RUVBL1: variants seen among roughly 807,000 people sequenced by gnomAD.
RUVBL1 encodes the protein ruvB-like 1.
Under a neutral mutation model 52.4 loss-of-function variants are expected in RUVBL1, and 4 were observed. That is an observed-to-expected ratio of 0.08 (90% CI 0.04 to 0.17). RUVBL1 has a LOEUF of 0.17. Ranked by LOEUF, RUVBL1 falls within the 10% of genes least tolerant of loss-of-function variation. The pLI is 1.00. For missense variants in RUVBL1, 298 were observed against 572.8 expected, an observed-to-expected ratio of 0.52 and a Z score of 4.90; for synonymous variants, 217 against 214.4, an observed-to-expected ratio of 1.01 and a Z score of -0.10.
intron 6 of RUVBL1, among the ~76,000 whole-genome samples, chr3:128,099,591 T>A (rs544861179): frequency 1.4e-4 from 22 of 152,334 alleles, no homozygotes; most frequent in African/African-American, 5.3e-4. Flanking sequence ...CTCACCTGCA[T>A]CCTCCTGCGG....
intron 9 of RUVBL1, among the ~76,000 whole-genome samples, chr3:128,065,817 C>T (rs1164261782): frequency 7.0e-6 from 1 of 142,672 alleles, no homozygotes; most frequent in Non-Finnish European, 1.5e-5. Flanking sequence ...ACTCGACTCA[C>T]TGCAACCTCC....
At chr3:128,132,966 C>T (rs1311466229) in intron 1 of RUVBL1, among the ~76,000 whole-genome samples, 2 of 152,208 alleles carry the variant, frequency 1.3e-5, no homozygotes, top group Non-Finnish European at 2.9e-5. Flanking sequence ...GCCTTAGCTC[C>T]TGGGTGACAT....
chr3:128,067,080 T>C lies in RUVBL1; in HGVS notation c.940-1860A>G. 1 of 1,614,200 alleles carries C rather than the reference T, an allele frequency of 6.2e-7. No homozygotes were observed. The highest frequency in any genetic ancestry group is 1.1e-5 in the South Asian group (1 of 91,086). The stretch of plus-strand genomic sequence containing the variant: ...GCAGTCTGCCCTGGTGTCCAACCTT[T>C]ATGTCATCTCCCAAATGCTCTCAGC... On this transcript the variant is annotated intron_variant, in intron 9 of 9. Transcript: ENST00000464873. The surrounding 1 kb of genome is among the most constrained non-coding windows in gnomAD (Gnocchi z 4.1).
At position 128,082,838 on chromosome 3, in the gene RUVBL1, G is replaced by C. The variant is rs1054711340; in HGVS notation, c.1120-264C>G. The C allele has an allele frequency of 1.5e-5, 5 of 333,154 alleles. No individual in the cohort carries two copies. Among genetic ancestry groups the C allele is most frequent in the African/African-American group, 1.1e-4 (5 of 45,644 alleles). The allele number at this position is 333,154 out of a possible 1,614,324, so 20.6% of individuals were successfully genotyped here. A position where few individuals can be genotyped will look rare whatever the true frequency, so the allele number is the denominator to read the frequency against. ...TGACTCAAGTGTGGCTGGTGCCCAA[G>C]GAGGTATGCAGCTTCCCAAGTGGCT... On this transcript the variant is annotated intron_variant, in intron 9 of 10. Transcript: ENST00000322623. The surrounding 1 kb of genome is among the most constrained non-coding windows in gnomAD (Gnocchi z 4.7).
At chr3:128,127,332 T>A (rs1943807891), upstream of RUVBL1, among the ~76,000 whole-genome samples, 1 of 152,218 alleles carries the variant, frequency 6.6e-6, no homozygotes, top group Non-Finnish European at 1.5e-5. Context: ...TTGTGTGGAC[T>A]ACTACATTCC....
downstream of RUVBL1, among the ~76,000 whole-genome samples, chr3:128,076,853 C>T (rs1942344326): frequency 6.6e-6 from 1 of 152,148 alleles, no homozygotes; most frequent in Non-Finnish European, 1.5e-5. The surrounding 1 kb of genome is among the most constrained non-coding windows in gnomAD (Gnocchi z 6.8). Flanking sequence ...CACCCCGCAC[C>T]CCACCATGTC....
At chr3:128,092,526 T>TA (rs1260042921) in intron 8 of RUVBL1, among the ~76,000 whole-genome samples, 1 of 150,938 alleles carries the variant, frequency 6.6e-6, no homozygotes, top group Non-Finnish European at 1.5e-5. Context: ...AGAACCTGAA[T>TA]AAAAAATGGG....
At chr3:128,077,037 C>G (rs1332815370), downstream of RUVBL1, among the ~76,000 whole-genome samples, 1 of 151,514 alleles carries the variant, frequency 6.6e-6, no homozygotes, top group African/African-American at 2.4e-5. Context: ...ATCGCGGCGG[C>G]CCAGCCGCCG....
In RUVBL1 at chr3:128,081,158, C is replaced by T. The variant is rs1482876511; in HGVS notation, c.*92G>A. The stretch of plus-strand genomic sequence containing the variant: ...GCTGCAGACCACGCCTGAGTGGGGA[C>T]GGCAGCCCCAAGCCCAGGGGCAAGC... On this transcript the variant is annotated 3_prime_UTR_variant, in exon 11 of 11. Transcript: ENST00000322623. The surrounding 1 kb of genome is among the most constrained non-coding windows in gnomAD (Gnocchi z 4.8). 19 of 1,358,320 alleles carry T rather than the reference C, an allele frequency of 1.4e-5. No homozygotes were observed. Among genetic ancestry groups the T allele is most frequent in the East Asian group, 6.9e-5 (3 of 43,206 alleles). 84.1% of individuals were successfully genotyped at this position (1,358,320 alleles called of 1,614,324 possible).
chr3:128,088,351 A>C (rs1009635282), intron 8 of RUVBL1, among the ~76,000 whole-genome samples: 1 of 150,066 alleles, frequency 6.7e-6, no homozygotes, highest in African/African-American at 2.4e-5. Flanking sequence ...AATAACTAAA[A>C]TCATACTCAA....
intron 6 of RUVBL1, 132 bp downstream of exon 6, chr3:128,100,463 T>C: frequency 3.8e-6 from 4 of 1,042,034 alleles, no homozygotes; most frequent in Non-Finnish European, 5.4e-6. Flanking sequence ...CGATGTTAAT[T>C]GCTGAACATT....
chr3:128,126,355 G>A (rs113348170), upstream of RUVBL1, among the ~76,000 whole-genome samples: 920 of 152,204 alleles, frequency 6.0e-3, 3 homozygotes, highest in Non-Finnish European at 8.2e-3. Flanking sequence ...AAACCAGCCC[G>A]GCCAATATGG....
chr3:128,069,693 C>T (rs1490955684), intron 9 of RUVBL1: 3 of 1,601,386 alleles, frequency 1.9e-6, no homozygotes, highest in Non-Finnish European at 2.6e-6. Context: ...GAGGAAGCTG[C>T]TCCAGAAGCG....
chr3:128,134,632 A>T lies in RUVBL1; in HGVS notation c.-39-15218T>A, dbSNP rs1016794318. On this transcript the variant is annotated intron_variant, in intron 1 of 9. Coordinates refer to the RUVBL1 transcript ENST00000464873. ...TGAAACCCCATCTCTACAAAAAATA[A>T]AAATAAAAATAACAATAAATGAGCT... 1.3e-4 allele frequency among the ~76,000 whole-genome samples: 20 copies of T among 151,806 alleles called. No homozygotes were observed. In the South Asian group the frequency reaches 1.5e-3, roughly 11 times the overall value.
chr3:128,104,341 A>G (rs1943174920), intron 4 of RUVBL1, among the ~76,000 whole-genome samples: 1 of 152,242 alleles, frequency 6.6e-6, no homozygotes, highest in Non-Finnish European at 1.5e-5. Flanking sequence ...GCCCCTGGGA[A>G]GCCCATCCAT....
At chr3:128,153,127 G>T in intron 1 of RUVBL1, 1 of 780,230 alleles carries the variant, frequency 1.3e-6, no homozygotes, top group Non-Finnish European at 1.6e-6. Flanking sequence ...TGATTGGTGC[G>T]TTTTACAGAG....
chr3:128,105,875 T>C (rs1407952707), intron 3 of RUVBL1, among the ~76,000 whole-genome samples: 2 of 141,098 alleles, frequency 1.4e-5, no homozygotes, highest in Admixed American at 1.4e-4. Flanking sequence ...CTTTTTTTTT[T>C]TTTTTTTTTT....
chr3:128,145,244 A>G (rs1559838656), intron 1 of RUVBL1, among the ~76,000 whole-genome samples: 1 of 152,232 alleles, frequency 6.6e-6, no homozygotes, highest in Non-Finnish European at 1.5e-5. Context: ...TGAGTTAGGA[A>G]GTATTATGCC....
intron 3 of RUVBL1, among the ~76,000 whole-genome samples, chr3:128,105,865 CTTTTT>C (rs11311563): frequency 5.3e-4 from 47 of 88,912 alleles, no homozygotes; most frequent in African/African-American, 1.9e-3. Context: ...TTCCCTTTTT[CTTTTT>C]TTTTTTTTTT....
Sources: gnomAD v4.1 joint callset for allele counts (sites outside exome capture counted in the v4.1 genomes callset) on GRCh38, gnomAD v4.1.1 for gene constraint, Gnocchi (gnomAD v3.1) non-coding constraint, MANE v1.5 for transcripts, NCBI Gene and HGNC (gene_info 2026-07-23, HGNC 2026-07-21) for gene names.